Variants in ACBD6 observed in about 807,000 individuals in gnomAD.
The protein encoded by ACBD6 is acyl-CoA-binding domain-containing protein 6.
In ACBD6, 28 loss-of-function variants were observed where a neutral mutation model predicts 37.2. That is an observed-to-expected ratio of 0.75 (90% CI 0.56 to 1.03). The LOEUF is 1.03. Ranked by LOEUF, ACBD6 falls within the 50% of genes least tolerant of loss-of-function variation. The probability of loss-of-function intolerance (pLI) is 0.00; values close to 1 mark genes in which losing one functional copy is unlikely to be tolerated. For missense variants in ACBD6, 340 were observed against 337.4 expected, an observed-to-expected ratio of 1.01 and a Z score of -0.06; for synonymous variants, 113 against 126.8, an observed-to-expected ratio of 0.89 and a Z score of 0.73.
At chr1:180,317,523 A>G (rs1404149941) in intron 6 of ACBD6, among the ~76,000 whole-genome samples, 1 of 152,336 alleles carries the variant, frequency 6.6e-6, no homozygotes, top group East Asian at 1.9e-4. Flanking sequence ...TTTTACCACA[A>G]TAAAAAAGAA....
At chr1:180,278,943 G>A (rs1249404534) in intron 9 of ACBD6, 2 of 152,196 alleles carry the variant, frequency 1.3e-5, no homozygotes, top group Non-Finnish European at 2.9e-5. Flanking sequence ...CATGAGATGT[G>A]TACGGTAAAA....
chr1:180,332,836 T>G (rs1012453511), intron 6 of ACBD6, among the ~76,000 whole-genome samples: 1 of 152,198 alleles, frequency 6.6e-6, no homozygotes, highest in African/African-American at 2.4e-5. Context: ...TCAAAAAGGT[T>G]GGGGACCACT....
chr1:180,388,107 C>T (rs573597512), intron 6 of ACBD6, among the ~76,000 whole-genome samples: 48 of 148,962 alleles, frequency 3.2e-4, no homozygotes, highest in Non-Finnish European at 4.7e-4. Context: ...ACCCAGGAGG[C>T]GGAGCTTGCA....
intron 6 of ACBD6, among the ~76,000 whole-genome samples, chr1:180,335,051 T>C (rs1008394342): frequency 7.2e-5 from 11 of 152,122 alleles, no homozygotes; most frequent in Non-Finnish European, 8.8e-5. Flanking sequence ...TACCTGAAAG[T>C]GATGGGGAGA....
downstream of ACBD6, chr1:180,288,160 C>CG (rs1203401972): frequency 1.6e-6 from 1 of 638,060 alleles, no homozygotes; most frequent in African/African-American, 1.8e-5. Context: ...ATGCACAGTA[C>CG]ACATGTTCAT....
At chr1:180,395,411 T>C (rs1260837692) in intron 6 of ACBD6, among the ~76,000 whole-genome samples, 1 of 152,176 alleles carries the variant, frequency 6.6e-6, no homozygotes, top group East Asian at 1.9e-4. Context: ...GAAGATTTGG[T>C]AGTCAAATTT....
intron 6 of ACBD6, among the ~76,000 whole-genome samples, chr1:180,350,874 G>A (rs1254501678): frequency 6.6e-6 from 1 of 151,980 alleles, no homozygotes; most frequent in Non-Finnish European, 1.5e-5. Flanking sequence ...ATAATTTAAC[G>A]AGTTTTCTAC....
Position 180,314,592 on chromosome 1 carries a change from A to T in ACBD6, c.694+100T>A. 3 of 952,910 alleles carry T rather than the reference A, an allele frequency of 3.1e-6. No homozygotes were observed. The East Asian group carries it at 7.5e-5, about 24-fold the overall frequency. The allele number at this position is 952,910 out of a possible 1,614,324, so 59.0% of individuals were successfully genotyped here. On this transcript the variant is annotated intron_variant, in intron 7 of 7. Transcript: ENST00000367595. ...AGTTATTGTATCTCTGCTAGCTGCC[A>T]GGTACCTATCTAAGCACTATATAGG... is the stretch of plus-strand genomic sequence containing the variant.
intron 6 of ACBD6, among the ~76,000 whole-genome samples, chr1:180,334,148 G>C (rs1651601707): frequency 6.6e-6 from 1 of 152,238 alleles, no homozygotes; most frequent in Non-Finnish European, 1.5e-5. Context: ...GTCCCTGTCT[G>C]ACAGCTTTGA....
exon 14 of ACBD6, chr1:180,270,585 C>CT (rs1467790487): frequency 1.4e-4 from 21 of 152,432 alleles, no homozygotes; most frequent in African/African-American, 5.1e-4. Flanking sequence ...CACTCAAAAT[C>CT]TGTCTAGGAC....
At chr1:180,459,560 ATAGTTGT>A (rs2102039708) in intron 3 of ACBD6, among the ~76,000 whole-genome samples, 1 of 152,308 alleles carries the variant, frequency 6.6e-6, no homozygotes, top group Admixed American at 6.5e-5. Flanking sequence ...GCTCTCACTA[ATAGTTGT>A]TAGTACATTT....
chr1:180,346,720 G>A (rs1431459008), intron 6 of ACBD6, among the ~76,000 whole-genome samples: 1 of 152,148 alleles, frequency 6.6e-6, no homozygotes, highest in Non-Finnish European at 1.5e-5. Flanking sequence ...CTAAATTTGT[G>A]GTAATTTATT....
chr1:180,430,150 T>C (rs1487663794), intron 4 of ACBD6, 30 bp downstream of exon 4: 3 of 1,568,158 alleles, frequency 1.9e-6, no homozygotes, highest in Non-Finnish European at 2.6e-6. Flanking sequence ...CATATATATT[T>C]CTATTATCAA....
intron 7 of ACBD6, among the ~76,000 whole-genome samples, chr1:180,307,382 G>A (rs991604296): frequency 1.9e-4 from 29 of 152,096 alleles, no homozygotes; most frequent in African/African-American, 5.6e-4. Flanking sequence ...ACATGAGGGC[G>A]GAAATGGGGA....
At chr1:180,350,757 G>A (rs917541019) in intron 6 of ACBD6, among the ~76,000 whole-genome samples, 2 of 152,308 alleles carry the variant, frequency 1.3e-5, no homozygotes, top group Non-Finnish European at 2.9e-5. Flanking sequence ...CAACTACGGT[G>A]CTCCCTAGTA....
chr1:180,289,154 A>T (rs1226245023), intron 7 of ACBD6, among the ~76,000 whole-genome samples: 4 of 152,152 alleles, frequency 2.6e-5, no homozygotes, highest in Admixed American at 2.6e-4. Context: ...GTATTGCCCC[A>T]AAATGGAAAA....
chr1:180,502,069 C>CA lies in ACBD6; in HGVS notation c.197dup (p.Leu66PhefsTer16). On this transcript the variant is annotated frameshift_variant, in exon 1 of 8. Coordinates refer to ENST00000367595, the MANE Select transcript of ACBD6 (RefSeq NM_032360.4). LOFTEE classifies it high-confidence loss of function. ...CCTGTTTGTACCTGGCATACAGGTACAAGAGCTGCTCCCTGCTGGCCACCT... is the reference window on the plus strand; with the variant it reads ...CCTGTTTGTACCTGGCATACAGGTACAAAGAGCTGCTCCCTGCTGGCCACCT... The CA allele has an allele frequency of 6.2e-7, 1 of 1,613,842 alleles. No homozygotes were observed. Among genetic ancestry groups the CA allele is most frequent in the Non-Finnish European group, 8.5e-7 (1 of 1,179,892 alleles).
intron 1 of ACBD6, among the ~76,000 whole-genome samples, chr1:180,496,108 A>C (rs534444676): frequency 2.0e-5 from 3 of 152,312 alleles, no homozygotes; most frequent in African/African-American, 7.2e-5. Flanking sequence ...GTTTTTCTAC[A>C]ATAGTCTTAT....
downstream of ACBD6, among the ~76,000 whole-genome samples, chr1:180,284,472 T>C (rs977921847): frequency 1.3e-5 from 2 of 151,974 alleles, no homozygotes; most frequent in African/African-American, 4.8e-5. Flanking sequence ...CAAGTGATTC[T>C]CCTGCCTTAG....
Sources: allele counts gnomAD v4.1 joint callset (sites outside exome capture counted in the v4.1 genomes callset), GRCh38; gene constraint gnomAD v4.1.1; transcripts MANE v1.5; gene names NCBI Gene and HGNC (gene_info 2026-07-23, HGNC 2026-07-21).